Variants in ERBB4 observed in about 807,000 individuals in gnomAD.
The protein encoded by ERBB4 is erb-b2 receptor tyrosine kinase 4.
Under a neutral mutation model 158.0 loss-of-function variants are expected in ERBB4, and 42 were observed. That is an observed-to-expected ratio of 0.27 (90% CI 0.21 to 0.34). ERBB4 has a LOEUF of 0.34. Among genes scored for constraint, ERBB4 ranks in the 10% least tolerant of loss-of-function variants. The pLI is 1.00. For missense variants in ERBB4, 1,333 were observed against 1,624.1 expected, an observed-to-expected ratio of 0.82 and a Z score of 3.08; for synonymous variants, 583 against 558.7, an observed-to-expected ratio of 1.04 and a Z score of -0.61.
At chr2:211,555,238 T>A (rs1047728540) in intron 20 of ERBB4, among the ~76,000 whole-genome samples, 4 of 151,928 alleles carry the variant, frequency 2.6e-5, no homozygotes, top group Admixed American at 2.0e-4. Context: ...CAGGCTGGAG[T>A]GCAATGGCAC....
intron 3 of ERBB4, among the ~76,000 whole-genome samples, chr2:211,858,105 G>C (rs565843209): frequency 6.6e-6 from 1 of 152,162 alleles, no homozygotes; most frequent in Non-Finnish European, 1.5e-5. Context: ...CACACATAAC[G>C]TCTTAGGGAA....
intron 3 of ERBB4, among the ~76,000 whole-genome samples, chr2:211,808,927 TTGTC>T (rs1308143988): frequency 1.3e-5 from 2 of 152,096 alleles, no homozygotes; most frequent in African/African-American, 2.4e-5. Context: ...GGCTCTCTGT[TTGTC>T]TGTTATTGGT....
rs1172271901 is a variant in ERBB4, at chr2:211,861,059, ATAAATAT to A, written c.422-72907_422-72901del. ...AATATATTTATATATTTATATATAT[ATAAATAT>A]AATATATTTATATATTATAAAATAT... is the stretch of plus-strand genomic sequence containing the variant. On this transcript the variant is annotated intron_variant, in intron 3 of 27. Coordinates refer to ENST00000342788, the MANE Select transcript of ERBB4 (RefSeq NM_005235.3). Among the ~76,000 whole-genome samples, 16 of 42,140 alleles carry A rather than the reference ATAAATAT, an allele frequency of 3.8e-4. 1 individual carries two copies. The highest frequency in any genetic ancestry group is 1.1e-3 in the African/African-American group (14 of 13,072). 27.6% of individuals were successfully genotyped at this position (42,140 alleles called of 152,430 possible). A position where few individuals can be genotyped will look rare whatever the true frequency, so the allele number is the denominator to read the frequency against.
chr2:212,460,896 A>T (rs1311805821), intron 1 of ERBB4, among the ~76,000 whole-genome samples: 1 of 152,170 alleles, frequency 6.6e-6, no homozygotes, highest in East Asian at 1.9e-4. Flanking sequence ...TCACAGGCCC[A>T]GAGGCCTAAG....
At position 212,320,528 on chromosome 2, in the gene ERBB4, A is replaced by C. The variant is rs74400674; in HGVS notation, c.83-195625T>G. On this transcript the variant is annotated intron_variant, in intron 1 of 27. Coordinates refer to ENST00000342788, the MANE Select transcript of ERBB4 (RefSeq NM_005235.3). The stretch of plus-strand genomic sequence containing the variant: ...TTTACATGACAGAAAAAAAAAAACA[A>C]CACAAGATTCTGGCTATTATATTCT... 2.9e-3 allele frequency among the ~76,000 whole-genome samples: 425 copies of C among 148,024 alleles called. 16 individuals carry two copies. In the East Asian group the frequency reaches 0.057, roughly 20 times the overall value.
intron 3 of ERBB4, among the ~76,000 whole-genome samples, chr2:211,868,086 T>C (rs1206360200): frequency 6.6e-6 from 1 of 152,222 alleles, no homozygotes; most frequent in African/African-American, 2.4e-5. Context: ...AGAACTGCAG[T>C]TCTCTCTCTG....
intron 1 of ERBB4, among the ~76,000 whole-genome samples, chr2:212,298,752 T>G (rs10445812): frequency 0.15 from 23,261 of 151,626 alleles, 2,104 homozygotes; most frequent in South Asian, 0.3. Context: ...CAAGATACAA[T>G]GAAATCAGAC....
chr2:211,874,616 G>T (rs910377933), intron 3 of ERBB4, among the ~76,000 whole-genome samples: 2 of 152,122 alleles, frequency 1.3e-5, no homozygotes, highest in Admixed American at 6.5e-5. Flanking sequence ...AGGGACCAGT[G>T]CTCTCTCCAT....
chr2:212,474,822 C>CTTTTTTTTTTTTTTTTTTTTTT lies in ERBB4; in HGVS notation c.82+63626_82+63627insAAAAAAAAAAAAAAAAAAAAAA, dbSNP rs539959668. 5.3e-4 allele frequency among the ~76,000 whole-genome samples: 50 copies of CTTTTTTTTTTTTTTTTTTTTTT among 94,408 alleles called. 8 individuals are homozygous for CTTTTTTTTTTTTTTTTTTTTTT. Among genetic ancestry groups the CTTTTTTTTTTTTTTTTTTTTTT allele is most frequent in the African/African-American group, 1.8e-3 (29 of 16,424 alleles). 61.9% of individuals were successfully genotyped at this position (94,408 alleles called of 152,430 possible). On this transcript the variant is annotated intron_variant, in intron 1 of 27. Coordinates refer to ENST00000342788, the MANE Select transcript of ERBB4 (RefSeq NM_005235.3). ...CACCATTTCCTGACACCCGGCCATT[C>CTTTTTTTTTTTTTTTTTTTTTT]TTTTTTTTTTTTTTTTTTGTCAAGA... is the stretch of plus-strand genomic sequence containing the variant.
intron 3 of ERBB4, among the ~76,000 whole-genome samples, chr2:211,861,553 A>G (rs1257886563): frequency 1.3e-5 from 2 of 151,894 alleles, no homozygotes; most frequent in African/African-American, 4.8e-5. Flanking sequence ...TGCCATTAAC[A>G]ATATAAAGAA....
chr2:212,361,033 T>C, intron 1 of ERBB4, among the ~76,000 whole-genome samples: 1 of 151,656 alleles, frequency 6.6e-6, no homozygotes, highest in East Asian at 1.9e-4. Flanking sequence ...GAGTTCAACA[T>C]CCAAACAAAA....
At chr2:211,709,582 T>C (rs944360836) in intron 9 of ERBB4, among the ~76,000 whole-genome samples, 1 of 152,006 alleles carries the variant, frequency 6.6e-6, no homozygotes, top group Non-Finnish European at 1.5e-5. Flanking sequence ...TGGAGAGCTG[T>C]TTCAGTTGTA....
intron 3 of ERBB4, among the ~76,000 whole-genome samples, chr2:211,912,292 G>GT (rs1338063620): frequency 6.6e-6 from 1 of 152,116 alleles, no homozygotes; most frequent in Non-Finnish European, 1.5e-5. Context: ...CTTCCATTTG[G>GT]AAGAGGATGT....
At chr2:211,567,620 C>A (rs964232717) in intron 19 of ERBB4, among the ~76,000 whole-genome samples, 11 of 152,090 alleles carry the variant, frequency 7.2e-5, no homozygotes, top group African/African-American at 1.9e-4. Flanking sequence ...CGGAAGCTCT[C>A]TTTTTAAAAA....
chr2:212,093,086 T>A (rs1348958126), intron 2 of ERBB4, among the ~76,000 whole-genome samples: 2 of 152,188 alleles, frequency 1.3e-5, no homozygotes, highest in African/African-American at 2.4e-5. Context: ...CTTTTTCCTC[T>A]CTTTTACATG....
At chr2:211,562,124 C>A (rs979692146) in intron 19 of ERBB4, 36 bp from the exon 20 acceptor site, 4 of 1,585,294 alleles carry the variant, frequency 2.5e-6, no homozygotes, top group Non-Finnish European at 3.4e-6. Flanking sequence ...GATTTCAACT[C>A]AAATTTTCTT....
chr2:212,361,396 C>G (rs933678192), intron 1 of ERBB4, among the ~76,000 whole-genome samples: 1 of 151,516 alleles, frequency 6.6e-6, no homozygotes, highest in Non-Finnish European at 1.5e-5. Context: ...CAGAGTGGCT[C>G]TTTCTGGAGT....
intron 1 of ERBB4, among the ~76,000 whole-genome samples, chr2:212,509,520 G>A (rs1218004775): frequency 6.6e-6 from 1 of 151,904 alleles, no homozygotes; most frequent in Non-Finnish European, 1.5e-5. Flanking sequence ...TACATGTTCT[G>A]TGATCCTACA....
intron 1 of ERBB4, among the ~76,000 whole-genome samples, chr2:212,501,441 T>C (rs533763683): frequency 6.6e-6 from 1 of 152,222 alleles, no homozygotes; most frequent in Admixed American, 6.5e-5. Flanking sequence ...ATTAAGACAC[T>C]GGATAAGTCA....
Sources: gnomAD v4.1 joint callset for allele counts (sites outside exome capture counted in the v4.1 genomes callset) on GRCh38, gnomAD v4.1.1 for gene constraint, MANE v1.5 for transcripts, NCBI Gene and HGNC (gene_info 2026-07-23, HGNC 2026-07-21) for gene names.